Variants in TTC12 observed in about 807,000 individuals in gnomAD.
TTC12 encodes the protein tetratricopeptide repeat protein 12.
In TTC12, 70 loss-of-function variants were observed where a neutral mutation model predicts 90.1. That is an observed-to-expected ratio of 0.78 (90% CI 0.64 to 0.95). The LOEUF (loss-of-function observed/expected upper bound fraction) is 0.95. Among genes scored for constraint, TTC12 ranks in the 40% least tolerant of loss-of-function variants. The pLI is 0.00. For missense variants in TTC12, 819 were observed against 846.1 expected (o/e 0.97, Z 0.40); for synonymous variants, 296 against 311.5 (o/e 0.95, Z 0.53).
intron 15 of TTC12, 114 bp from the exon 16 acceptor site, chr11:113,351,956 T>C: frequency 1.6e-6 from 2 of 1,242,582 alleles, no homozygotes; most frequent in Non-Finnish European, 2.2e-6. Context: ...CTGTGTGACA[T>C]GAAGCTATCT....
At position 113,330,007 on chromosome 11, in the gene TTC12, A is replaced by G. The variant is rs782203788; in HGVS notation, c.504+28A>G. On this transcript the variant is annotated intron_variant, in intron 7 of 21. Coordinates refer to ENST00000529221, the MANE Select transcript of TTC12 (RefSeq NM_017868.4). The stretch of plus-strand genomic sequence containing the variant: ...AAGAGGGTATTTCTTTTCCCACATG[A>G]TAGTGTTGGGCTGAAGTAGATAGAA... The G allele has an allele frequency of 3.8e-6, 6 of 1,581,426 alleles. No homozygotes were observed. The South Asian group carries it at 6.6e-5, about 17-fold the overall frequency.
chr11:113,320,941 G>A, intron 2 of TTC12, among the ~76,000 whole-genome samples: 1 of 152,130 alleles, frequency 6.6e-6, no homozygotes, highest in East Asian at 1.9e-4. Flanking sequence ...TACTCAGGAG[G>A]CTGAAGCAGG....
In TTC12 at chr11:113,342,039, TC is replaced by T. The variant is rs1437765914; in HGVS notation, c.985+116del. 4 of 853,522 alleles carry T rather than the reference TC, an allele frequency of 4.7e-6. No homozygotes were observed. In the African/African-American group the frequency reaches 5.0e-5, roughly 11 times the overall value. 52.9% of individuals were successfully genotyped at this position (853,522 alleles called of 1,614,324 possible). On this transcript the variant is annotated intron_variant, in intron 12 of 21. Coordinates refer to ENST00000529221, the MANE Select transcript of TTC12 (RefSeq NM_017868.4). ...GCCCTGGAAAGCTGATGTCTAGACT[TC>T]CGCACACACCCACTCCCTCCAGGAA... is the stretch of plus-strand genomic sequence containing the variant.
chr11:113,340,877 A>C (rs1304858340), intron 11 of TTC12, 144 bp downstream of exon 11: 8 of 666,594 alleles, frequency 1.2e-5, no homozygotes, highest in African/African-American at 1.8e-5. Context: ...CCAGGAGTGC[A>C]AAGCTACTCC....
At chr11:113,368,127 G>A, downstream of TTC12, 1 of 1,288,490 alleles carries the variant, frequency 7.8e-7, no homozygotes, top group African/African-American at 1.5e-5. Flanking sequence ...TATGATAGGT[G>A]TATTCTCTTC....
At chr11:113,357,081 T>C (rs1949675597) in intron 16 of TTC12, among the ~76,000 whole-genome samples, 1 of 152,238 alleles carries the variant, frequency 6.6e-6, no homozygotes, top group African/African-American at 2.4e-5. Context: ...AGATTGGGGC[T>C]CTTTACATAA....
intron 16 of TTC12, among the ~76,000 whole-genome samples, chr11:113,357,435 A>G (rs1451427045): frequency 1.3e-5 from 2 of 152,104 alleles, no homozygotes; most frequent in African/African-American, 4.8e-5. Context: ...GTGTCATTTC[A>G]GCCATGTCAG....
rs1555155499 is a variant in TTC12 at position 113,362,388 on chromosome 11, C to G, written c.1615-13C>G. 2 of 1,595,582 alleles carry G rather than the reference C, an allele frequency of 1.3e-6. No individual in the cohort carries two copies. Among genetic ancestry groups the G allele is most frequent in the African/African-American group, 1.3e-5 (1 of 74,612 alleles). ...AAAAGGACATTTAATTATCCTCTTT[C>G]TGCTGTACTCAGAGAGCTGCTGGTG... On this transcript the variant is annotated splice_polypyrimidine_tract_variant and intron_variant, in intron 18 of 21. Coordinates refer to ENST00000529221, the MANE Select transcript of TTC12 (RefSeq NM_017868.4).
In TTC12 at chr11:113,351,289, C is replaced by G; in HGVS notation, c.1298C>G (p.Thr433Arg). 6.2e-7 allele frequency: 1 copy of G among 1,614,008 alleles called. No individual in the cohort carries two copies. Among genetic ancestry groups the G allele is most frequent in the Non-Finnish European group, 8.5e-7 (1 of 1,179,836 alleles). Residue 433 changes from threonine to arginine, a missense_variant, in exon 15 of 22, where the codon ACA (threonine) becomes AGA (arginine). Physicochemically the swap from Thr to Arg is moderately conservative, Grantham distance 71 (BLOSUM62 -1). Coordinates refer to ENST00000529221, the MANE Select transcript of TTC12 (RefSeq NM_017868.4). ...CTTCCAGGTGTTCTCCCTGCACTCA[C>G]AGGCGTTCTGGTGAGCAAACTGTCA... is the stretch of plus-strand genomic sequence containing the variant. The part of the protein sequence containing the change: ...ANLPGVLPAL[T>R]GVLKTDPKVS...
chr11:113,321,435 T>G (rs1455941842), intron 2 of TTC12, among the ~76,000 whole-genome samples: 1 of 152,192 alleles, frequency 6.6e-6, no homozygotes, highest in East Asian at 1.9e-4. Context: ...AGAGAATGGA[T>G]TAACTATGGT....
intron 21 of TTC12, among the ~76,000 whole-genome samples, chr11:113,365,789 A>G (rs1205737545): frequency 6.6e-6 from 1 of 152,188 alleles, no homozygotes; most frequent in Non-Finnish European, 1.5e-5. Flanking sequence ...CCTTACATCC[A>G]CATGCCTTTA....
At chr11:113,366,480 C>T (rs1206651553), downstream of TTC12, 1 of 1,072,756 alleles carries the variant, frequency 9.3e-7, no homozygotes, top group Non-Finnish European at 1.3e-6. Context: ...CTGTGGTGGG[C>T]TCTGTGCACT....
intron 11 of TTC12, 34 bp from the exon 12 acceptor site, chr11:113,341,803 G>C: frequency 6.5e-7 from 1 of 1,526,980 alleles, no homozygotes; most frequent in Non-Finnish European, 9.1e-7. Flanking sequence ...CTGATTTTCA[G>C]ACTTTTAAGA....
At chr11:113,347,372 C>T (rs1207157821) in intron 13 of TTC12, among the ~76,000 whole-genome samples, 1 of 152,110 alleles carries the variant, frequency 6.6e-6, no homozygotes, top group Non-Finnish European at 1.5e-5. Context: ...TGCATGGTGC[C>T]CTCCAGGGGA....
intron 7 of TTC12, among the ~76,000 whole-genome samples, chr11:113,334,171 G>T (rs1555143334): frequency 6.6e-6 from 1 of 152,184 alleles, no homozygotes; most frequent in East Asian, 1.9e-4. Flanking sequence ...AACCTTTGAA[G>T]GGCATCTGAT....
At chr11:113,347,423 C>T (rs570461939) in intron 13 of TTC12, among the ~76,000 whole-genome samples, 25 of 152,216 alleles carry the variant, frequency 1.6e-4, no homozygotes, top group Admixed American at 3.9e-4. Context: ...CCATTTGATT[C>T]GGGATGGGCA....
At position 113,329,142 on chromosome 11, in the gene TTC12, T is replaced by A. The variant is rs145791955; in HGVS notation, c.445-778T>A. Among the ~76,000 whole-genome samples, 301 of 152,376 alleles carry A rather than the reference T, an allele frequency of 2.0e-3. 2 individuals carry two copies. The Middle Eastern group carries it at 0.034, about 17-fold the overall frequency. On this transcript the variant is annotated intron_variant, in intron 6 of 21. Transcript: ENST00000529221. ...TATATTTATATTCTTCTTTGGTATA[T>A]ACCTAGGAGTAAAATTACTGGGTCA...
At position 113,329,990 on chromosome 11, in the gene TTC12, A is replaced by T. The variant is rs1555142234; in HGVS notation, c.504+11A>T. 1 of 1,606,204 alleles carries T rather than the reference A, an allele frequency of 6.2e-7. No individual in the cohort carries two copies. Among genetic ancestry groups the T allele is most frequent in the Admixed American group, 1.7e-5 (1 of 60,024 alleles). On this transcript the variant is annotated intron_variant, in intron 7 of 21. Transcript: ENST00000529221. ...GAGTGGGCTCTCAAGGTAAGAGGGT[A>T]TTTCTTTTCCCACATGATAGTGTTG...
intron 1 of TTC12, 31 bp downstream of exon 1, chr11:113,314,649 C>T (rs1232949580): frequency 6.5e-6 from 1 of 152,952 alleles, no homozygotes; most frequent in Non-Finnish European, 1.5e-5. Flanking sequence ...CGGAATCCCC[C>T]CTGGGAGCTG....
Sources: gnomAD v4.1 joint callset for allele counts (sites outside exome capture counted in the v4.1 genomes callset) on GRCh38, gnomAD v4.1.1 for gene constraint, MANE v1.5 for transcripts, NCBI Gene and HGNC (gene_info 2026-07-23, HGNC 2026-07-21) for gene names.